The following VAPA variants were observed in gnomAD, a reference collection of about 807,000 sequenced individuals.
VAPA encodes the protein VAMP associated protein A, also known as vesicle-associated membrane protein-associated protein A.
Under a neutral mutation model 25.6 loss-of-function variants are expected in VAPA, and 6 were observed. That is an observed-to-expected ratio of 0.23 (90% CI 0.13 to 0.46). The LOEUF is 0.46. Among genes scored for constraint, VAPA ranks in the 20% least tolerant of loss-of-function variants. The pLI is 0.99. For missense variants in VAPA, 244 were observed against 302.1 expected (o/e 0.81, Z 1.43); for synonymous variants, 112 against 106.2 (o/e 1.05, Z -0.34).
intron 1 of VAPA, among the ~76,000 whole-genome samples, chr18:9,930,583 T>C (rs1221741682): frequency 6.6e-6 from 1 of 152,130 alleles, no homozygotes; most frequent in Non-Finnish European, 1.5e-5. Context: ...TAATGGAAGC[T>C]CTTGGGGTTG....
At chr18:9,937,218 C>CATTT in intron 4 of VAPA, 152 bp downstream of exon 4, 1 of 205,258 alleles carries the variant, frequency 4.9e-6, no homozygotes, top group Non-Finnish European at 8.9e-6. Flanking sequence ...CTTGGTATGC[C>CATTT]TTTTTTTTTT....
intron 4 of VAPA, chr18:9,945,202 A>G (rs1172020656): frequency 1.3e-5 from 13 of 1,036,414 alleles, no homozygotes; most frequent in Middle Eastern, 3.1e-4. Flanking sequence ...CAATAAAACT[A>G]CAAAGCACTT....
intron 1 of VAPA, among the ~76,000 whole-genome samples, chr18:9,918,154 A>G (rs1455676404): frequency 2.0e-5 from 3 of 152,180 alleles, no homozygotes; most frequent in African/African-American, 4.8e-5. Flanking sequence ...TTTGCTGGCT[A>G]AGGTAAAATT....
In VAPA at chr18:9,950,579, T is replaced by G. The variant is rs779185500; in HGVS notation, c.591+11T>G. 3 of 1,607,394 alleles carry G rather than the reference T, an allele frequency of 1.9e-6. No homozygotes were observed. The East Asian group carries it at 6.7e-5, about 36-fold the overall frequency. ...AATCGGCACCTGAGAGTAAGTTCTG[T>G]TGGTTGAAAATAAATTGATTGAAAT... On this transcript the variant is annotated intron_variant, in intron 5 of 5. Transcript: ENST00000400000.
At chr18:9,947,387 A>G (rs887275211) in intron 4 of VAPA, among the ~76,000 whole-genome samples, 1 of 152,216 alleles carries the variant, frequency 6.6e-6, no homozygotes, top group African/African-American at 2.4e-5. Flanking sequence ...CTCACTAGGT[A>G]ATAGGAATTT....
At chr18:9,948,662 G>A (rs1340629305) in intron 4 of VAPA, 1 of 152,136 alleles carries the variant, frequency 6.6e-6, no homozygotes, top group African/African-American at 2.4e-5. Flanking sequence ...TCCGCTTCCT[G>A]GGCTCAAGCC....
At chr18:9,953,243 C>T (rs531120678) in intron 5 of VAPA, among the ~76,000 whole-genome samples, 1 of 152,336 alleles carries the variant, frequency 6.6e-6, no homozygotes, top group Admixed American at 6.5e-5. Flanking sequence ...CTACTCTTGA[C>T]TGGAGGATCT....
chr18:9,946,197 A>G (rs1356650721), intron 4 of VAPA, among the ~76,000 whole-genome samples: 2 of 152,210 alleles, frequency 1.3e-5, no homozygotes, highest in Non-Finnish European at 2.9e-5. Context: ...AAGGATGGGG[A>G]TATATATTGA....
chr18:9,949,406 A>AT (rs1370246439), intron 4 of VAPA: 2 of 152,192 alleles, frequency 1.3e-5, no homozygotes, highest in Non-Finnish European at 2.9e-5. Context: ...CTTCATAAGA[A>AT]TAACAAGTTT....
rs114334863 is a variant in VAPA at position 9,919,791 on chromosome 18, G to A, written c.79+5456G>A. ...CTAGGGTTTTTAAGTGAGGGGAGGAGCAGTAAAGATGGAGGGAATCGAATA... is the reference window on the plus strand; with the variant it reads ...CTAGGGTTTTTAAGTGAGGGGAGGAACAGTAAAGATGGAGGGAATCGAATA... On this transcript the variant is annotated intron_variant, in intron 1 of 5. Transcript: ENST00000400000. 3.6e-3 allele frequency among the ~76,000 whole-genome samples: 545 copies of A among 152,276 alleles called. 2 individuals are homozygous for A. Among genetic ancestry groups the A allele is most frequent in the African/African-American group, 0.012 (517 of 41,546 alleles).
At chr18:9,935,816 A>G (rs2069304057) in intron 2 of VAPA, among the ~76,000 whole-genome samples, 1 of 152,190 alleles carries the variant, frequency 6.6e-6, no homozygotes, top group African/African-American at 2.4e-5. Context: ...TTAATTTTTA[A>G]TTGTAATTGT....
chr18:9,928,685 T>C (rs753727689), intron 1 of VAPA, among the ~76,000 whole-genome samples: 2 of 152,154 alleles, frequency 1.3e-5, no homozygotes, highest in Non-Finnish European at 2.9e-5. Flanking sequence ...TGTTAAAATA[T>C]ATTTGCCCTA....
chr18:9,920,015 A>G (rs571639437), intron 1 of VAPA, among the ~76,000 whole-genome samples: 9 of 152,262 alleles, frequency 5.9e-5, no homozygotes, highest in African/African-American at 2.2e-4. Context: ...AGAAAAGGGT[A>G]TGAATGTCTG....
rs908026239 is a variant in VAPA at position 9,930,681 on chromosome 18, A to G, written c.80-1129A>G. Among the ~76,000 whole-genome samples the G allele has an allele frequency of 2.1e-4, 31 of 150,092 alleles. 1 individual carries two copies. The highest frequency in any genetic ancestry group is 1.3e-4 in the Admixed American group (2 of 15,078). On this transcript the variant is annotated intron_variant, in intron 1 of 5. Coordinates refer to ENST00000400000, the MANE Select transcript of VAPA (RefSeq NM_194434.3). ...GCAGTTCAGAAGATCATACTTTGTCATATGTATGCTTTTTTTTTAAAAAAA... is the reference window on the plus strand; with the variant it reads ...GCAGTTCAGAAGATCATACTTTGTCGTATGTATGCTTTTTTTTTAAAAAAA...
chr18:9,922,267 G>C (rs1361043882), intron 1 of VAPA, among the ~76,000 whole-genome samples: 2 of 152,058 alleles, frequency 1.3e-5, no homozygotes, highest in Non-Finnish European at 2.9e-5. Context: ...ACCATACCTG[G>C]CCTGCCTCAG....
At chr18:9,944,779 A>G (rs947425218) in intron 4 of VAPA, 2 of 988,270 alleles carry the variant, frequency 2.0e-6, no homozygotes, top group African/African-American at 3.3e-5. Flanking sequence ...AGCTATTATT[A>G]GTATTGTTTC....
chr18:9,933,111 T>TAA (rs771128247), intron 2 of VAPA, among the ~76,000 whole-genome samples: 12 of 136,172 alleles, frequency 8.8e-5, no homozygotes, highest in Admixed American at 4.4e-4. Context: ...AAGTGTACCT[T>TAA]AAAAAAAAAA....
chr18:9,947,309 G>T (rs2143417103), intron 4 of VAPA, among the ~76,000 whole-genome samples: 1 of 152,270 alleles, frequency 6.6e-6, no homozygotes, highest in African/African-American at 2.4e-5. Context: ...ACTTTTATAT[G>T]ACTGGAGTAC....
chr18:9,944,195 T>C (rs1314035902), intron 4 of VAPA, among the ~76,000 whole-genome samples: 1 of 152,084 alleles, frequency 6.6e-6, no homozygotes, highest in Non-Finnish European at 1.5e-5. Flanking sequence ...TTTTTTTAAA[T>C]GAAGACTGAG....
Sources: allele counts gnomAD v4.1 joint callset (sites outside exome capture counted in the v4.1 genomes callset), GRCh38; gene constraint gnomAD v4.1.1; transcripts MANE v1.5; gene names NCBI Gene and HGNC (gene_info 2026-07-23, HGNC 2026-07-21).